The following PPP3R1 variants were observed in gnomAD, a reference collection of about 807,000 sequenced individuals.
PPP3R1 encodes protein phosphatase 3 regulatory subunit B, alpha, also known as calcineurin subunit B type 1.
A neutral mutation model predicts 22.6 loss-of-function variants in PPP3R1; 5 were observed. The ratio of observed to expected loss-of-function variants is 0.22; its 90% CI spans 0.12 to 0.46. PPP3R1 has a LOEUF of 0.46. Among genes scored for constraint, PPP3R1 ranks in the 20% least tolerant of loss-of-function variants. The pLI, the probability that PPP3R1 is intolerant of heterozygous loss-of-function variation, is 0.99. For missense variants in PPP3R1, 61 were observed against 203.2 expected (o/e 0.30, Z 4.25); for synonymous variants, 56 against 65.2 (o/e 0.86, Z 0.68).
intron 3 of PPP3R1, 84 bp from the exon 4 acceptor site, chr2:68,187,398 G>A: frequency 1.7e-6 from 2 of 1,194,444 alleles, no homozygotes; most frequent in Non-Finnish European, 1.2e-6. Flanking sequence ...ACCCACAAAA[G>A]GATATTTCCT....
At chr2:68,199,848 A>C (rs1029546203) in intron 2 of PPP3R1, among the ~76,000 whole-genome samples, 1 of 152,178 alleles carries the variant, frequency 6.6e-6, no homozygotes, top group African/African-American at 2.4e-5. Context: ...CAAATACTAA[A>C]TGATTTTTTG....
Position 68,232,124 on chromosome 2 carries a change from T to TATATACACACACAC in PPP3R1, c.4-14994_4-14993insGTGTGTGTGTATAT, listed in dbSNP as rs1553408863. Among the ~76,000 whole-genome samples the TATATACACACACAC allele has an allele frequency of 3.5e-4, 34 of 97,998 alleles. 2 individuals are homozygous for TATATACACACACAC. Among genetic ancestry groups the TATATACACACACAC allele is most frequent in the South Asian group, 6.6e-4 (2 of 3,044 alleles). The allele number at this position is 97,998 out of a possible 152,430, so 64.3% of individuals were successfully genotyped here. On this transcript the variant is annotated intron_variant, in intron 1 of 5. Coordinates refer to ENST00000234310, the MANE Select transcript of PPP3R1 (RefSeq NM_000945.4). ...AAAAAAAAAAATATATATATATATA[T>TATATACACACACAC]ACACACACACACACATATATATGTA...
At chr2:68,242,786 G>A (rs762243499) in intron 1 of PPP3R1, among the ~76,000 whole-genome samples, 180 of 152,278 alleles carry the variant, frequency 1.2e-3, no homozygotes, top group Admixed American at 2.2e-3. Flanking sequence ...TTACACTCAG[G>A]AGGATATGAA....
chr2:68,202,652 C>T (rs1433807668), intron 2 of PPP3R1, among the ~76,000 whole-genome samples: 3 of 151,472 alleles, frequency 2.0e-5, no homozygotes, highest in African/African-American at 7.3e-5. Flanking sequence ...CACGAACTCC[C>T]GACCTCAGGT....
At chr2:68,211,520 G>A (rs752383064) in intron 2 of PPP3R1, among the ~76,000 whole-genome samples, 15 of 151,922 alleles carry the variant, frequency 9.9e-5, no homozygotes, top group African/African-American at 1.9e-4. Flanking sequence ...TGATGGCCAC[G>A]GACTGATCGG....
intron 5 of PPP3R1, among the ~76,000 whole-genome samples, chr2:68,184,267 TTC>T (rs1674484082): frequency 6.6e-6 from 1 of 152,198 alleles, no homozygotes; most frequent in South Asian, 2.1e-4. Flanking sequence ...TGCCATCAAT[TTC>T]TGAGCCTTTC....
intron 5 of PPP3R1, among the ~76,000 whole-genome samples, chr2:68,181,349 C>T (rs561630962): frequency 1.3e-4 from 19 of 149,870 alleles, no homozygotes; most frequent in Admixed American, 2.0e-4. Context: ...GCCTATATCG[C>T]GCCACTGCAC....
chr2:68,183,896 G>A (rs1030441620), intron 5 of PPP3R1, among the ~76,000 whole-genome samples: 2 of 152,098 alleles, frequency 1.3e-5, no homozygotes, highest in African/African-American at 4.8e-5. Flanking sequence ...TGAATGATCT[G>A]GTAGCACCAT....
chr2:68,188,762 A>G, intron 2 of PPP3R1, 72 bp from the exon 3 acceptor site: 1 of 1,364,996 alleles, frequency 7.3e-7, no homozygotes. Context: ...GGGCAGTAGC[A>G]AGATTTTAAA....
At chr2:68,183,425 C>G (rs370597900) in intron 5 of PPP3R1, among the ~76,000 whole-genome samples, 1 of 152,286 alleles carries the variant, frequency 6.6e-6, no homozygotes, top group African/African-American at 2.4e-5. Flanking sequence ...GACAGTGTGC[C>G]CAGGTCCAGA....
At chr2:68,229,195 G>C (rs1212080493) in intron 1 of PPP3R1, among the ~76,000 whole-genome samples, 1 of 150,342 alleles carries the variant, frequency 6.7e-6, no homozygotes, top group Non-Finnish European at 1.5e-5. Context: ...TTTTTTTCAT[G>C]GAGACTGAGT....
intron 1 of PPP3R1, among the ~76,000 whole-genome samples, chr2:68,251,862 C>T (rs1310225617): frequency 1.5e-5 from 2 of 137,024 alleles, no homozygotes; most frequent in Admixed American, 7.2e-5. Context: ...GGGGGTGGGG[C>T]GACGGCGGGG....
At chr2:68,198,215 T>G (rs898277152) in intron 2 of PPP3R1, among the ~76,000 whole-genome samples, 2 of 135,232 alleles carry the variant, frequency 1.5e-5, no homozygotes, top group African/African-American at 2.7e-5. Flanking sequence ...TGCATACATA[T>G]ATACATTTTA....
At chr2:68,251,850 G>A (rs1478162610) in intron 1 of PPP3R1, among the ~76,000 whole-genome samples, 1 of 146,738 alleles carries the variant, frequency 6.8e-6, no homozygotes, top group Non-Finnish European at 1.5e-5. Context: ...GACCGGCGGC[G>A]CGGGGGTGGG....
At chr2:68,243,168 T>C (rs1394660159) in intron 1 of PPP3R1, among the ~76,000 whole-genome samples, 1 of 152,198 alleles carries the variant, frequency 6.6e-6, no homozygotes, top group African/African-American at 2.4e-5. Flanking sequence ...AATCTATGAA[T>C]TGTTTAAATT....
chr2:68,182,080 T>TCCCACCCCCC (rs1674421408), intron 5 of PPP3R1, among the ~76,000 whole-genome samples: 1 of 37,400 alleles, frequency 2.7e-5, no homozygotes, highest in African/African-American at 8.9e-5. Context: ...AACCCCCCCC[T>TCCCACCCCCC]CCCCCCACCA....
At chr2:68,210,975 A>G (rs1298907883) in intron 2 of PPP3R1, among the ~76,000 whole-genome samples, 2 of 152,204 alleles carry the variant, frequency 1.3e-5, no homozygotes, top group Non-Finnish European at 2.9e-5. Flanking sequence ...AGACCACCAC[A>G]ATAAAGTGAA....
chr2:68,202,855 T>C (rs990403087), intron 2 of PPP3R1, among the ~76,000 whole-genome samples: 1 of 129,414 alleles, frequency 7.7e-6, no homozygotes, highest in Non-Finnish European at 1.5e-5. Context: ...CAGGCTGGAG[T>C]GCAGTGGCAT....
rs1446356894 is a variant in PPP3R1 at position 68,252,252 on chromosome 2, G to C, written c.-125C>G. ...CTCGGGTCGCCGGCGGGGAGGGGGC[G>C]CGCGTGGGGGAGGGGAGGCGGCGCC... On this transcript the variant is annotated 5_prime_UTR_variant, in exon 1 of 6. Transcript: ENST00000234310. 9.3e-7 allele frequency: 1 copy of C among 1,080,378 alleles called. No homozygotes were observed. The highest frequency in any genetic ancestry group is 1.7e-5 in the African/African-American group (1 of 59,368). 66.9% of individuals were successfully genotyped at this position (1,080,378 alleles called of 1,614,324 possible). A position where few individuals can be genotyped will look rare whatever the true frequency, so the allele number is the denominator to read the frequency against.
Sources: allele counts gnomAD v4.1 joint callset (sites outside exome capture counted in the v4.1 genomes callset), GRCh38; gene constraint gnomAD v4.1.1; transcripts MANE v1.5; gene names NCBI Gene and HGNC (gene_info 2026-07-23, HGNC 2026-07-21).